The following PTPRN2 variants were observed in gnomAD, a reference collection of about 807,000 sequenced individuals.
PTPRN2 encodes the protein receptor-type tyrosine-protein phosphatase N2.
A neutral mutation model predicts 118.8 loss-of-function variants in PTPRN2; 74 were observed. The observed-to-expected ratio is 0.62, with a 90% CI of 0.52 to 0.76. The LOEUF (loss-of-function observed/expected upper bound fraction) is 0.76, where lower values mean the gene tolerates loss of function less well. PTPRN2 is among the 30% of genes least tolerant of loss of function. PTPRN2 has a pLI of 0.00. For missense variants in PTPRN2, 1,481 were observed against 1,394.4 expected (o/e 1.06, Z -0.99); for synonymous variants, 641 against 608.0 (o/e 1.05, Z -0.80).
At chr7:157,640,689 A>G (rs1804615703) in intron 14 of PTPRN2, among the ~76,000 whole-genome samples, 1 of 152,200 alleles carries the variant, frequency 6.6e-6, no homozygotes, top group African/African-American at 2.4e-5. Flanking sequence ...AAGGAGCTAG[A>G]GCTGGCACAC....
At chr7:158,580,469 A>G (rs1828565095) in intron 1 of PTPRN2, among the ~76,000 whole-genome samples, 1 of 152,212 alleles carries the variant, frequency 6.6e-6, no homozygotes, top group African/African-American at 2.4e-5. Flanking sequence ...ACACTGCATC[A>G]GAAGCCTTTT....
At chr7:158,239,428 C>T (rs1389867212) in intron 3 of PTPRN2, among the ~76,000 whole-genome samples, 1 of 152,150 alleles carries the variant, frequency 6.6e-6, no homozygotes, top group African/African-American at 2.4e-5. Flanking sequence ...GCCAACGCTC[C>T]GTAGCGCGGC....
chr7:158,018,907 CCGAGATCATG>C (rs1806638110), intron 11 of PTPRN2, among the ~76,000 whole-genome samples: 2 of 146,712 alleles, frequency 1.4e-5, no homozygotes, highest in Non-Finnish European at 3.0e-5. Flanking sequence ...TTGCAGTGAG[CCGAGATCATG>C]CGACTGCACT....
At chr7:157,788,563 C>T (rs550346088) in intron 12 of PTPRN2, among the ~76,000 whole-genome samples, 1 of 152,304 alleles carries the variant, frequency 6.6e-6, no homozygotes, top group South Asian at 2.1e-4. Context: ...TCCCCCACGA[C>T]CTCTTAGTCG....
chr7:158,294,811 C>T (rs1325149201), intron 3 of PTPRN2, among the ~76,000 whole-genome samples: 1 of 152,182 alleles, frequency 6.6e-6, no homozygotes, highest in African/African-American at 2.4e-5. Context: ...ACCCGCTGAC[C>T]CTGCCTGTCT....
intron 11 of PTPRN2, among the ~76,000 whole-genome samples, chr7:158,071,058 T>A (rs1811393691): frequency 2.4e-5 from 2 of 82,998 alleles, no homozygotes; most frequent in Admixed American, 2.3e-4. Context: ...CTCATGGTGG[T>A]GGAGGTGCTC....
intron 3 of PTPRN2, among the ~76,000 whole-genome samples, chr7:158,314,533 G>A (rs796984739): frequency 2.1e-4 from 32 of 152,370 alleles, no homozygotes; most frequent in East Asian, 1.4e-3. Flanking sequence ...GCACCCCATC[G>A]CCAAACGACA....
chr7:158,558,877 A>C (rs1036251116), intron 1 of PTPRN2, among the ~76,000 whole-genome samples: 1 of 152,038 alleles, frequency 6.6e-6, no homozygotes, highest in African/African-American at 2.4e-5. Flanking sequence ...CAGAAGACAG[A>C]GACCTCTCAC....
At chr7:158,179,738 C>G (rs1824529423) in intron 5 of PTPRN2, among the ~76,000 whole-genome samples, 1 of 152,190 alleles carries the variant, frequency 6.6e-6, no homozygotes, top group Non-Finnish European at 1.5e-5. Context: ...AAATTGAGGA[C>G]TAGTTAAAAC....
chr7:158,110,848 T>C lies in PTPRN2; in HGVS notation c.1624A>G (p.Ser542Gly), dbSNP rs1460076042. 1 of 1,589,522 alleles carries C rather than the reference T, an allele frequency of 6.3e-7. No individual in the cohort carries two copies. Among genetic ancestry groups the C allele is most frequent in the East Asian group, 2.3e-5 (1 of 43,990 alleles). Residue 542 changes from serine (S) to glycine (G), a missense_variant, in exon 10 of 23, where the codon AGT (serine) becomes GGT (glycine). Physicochemically the swap from Ser to Gly is moderately conservative, Grantham distance 56. Transcript: ENST00000389418. ...ACTTACTCCACGTCAGCGAACGCAC[T>C]GCTGGGCACCTGCAGGAGGCGGGCG... The part of the protein sequence containing the change: ...DVARLLQVPS[S>G]AFADVEVLGP...
rs532838698 is a variant in PTPRN2 at position 157,615,182 on chromosome 7, C to A, written c.2344+6180G>T. On this transcript the variant is annotated intron_variant, in intron 15 of 22. Coordinates refer to ENST00000389418, the MANE Select transcript of PTPRN2 (RefSeq NM_002847.5). This position sits in a 1 kb window ranked among gnomAD's most constrained non-coding sequence, Gnocchi z 4.3. Reference sequence around the variant, plus strand: ...CCAGCGTGGGTGGTGGGTGTGCAGGCGATGCCACGCTACCCCTTCCACTTG... The same window carrying A: ...CCAGCGTGGGTGGTGGGTGTGCAGGAGATGCCACGCTACCCCTTCCACTTG... 6.6e-6 allele frequency among the ~76,000 whole-genome samples: 1 copy of A among 152,206 alleles called. No homozygotes were observed.
rs1055904161 is a variant in PTPRN2 at position 157,598,669 on chromosome 7, C to T, written c.2419-3354G>A. ...TGGTGTTGGTCATCCCGAAACTGTC[C>T]GTGAAAACCTGTAAATTTATTAGGT... is the stretch of plus-strand genomic sequence containing the variant. On this transcript the variant is annotated intron_variant, in intron 16 of 22. Transcript: ENST00000389418. The surrounding 1 kb of genome is among the most constrained non-coding windows in gnomAD (Gnocchi z 5.2). Among the ~76,000 whole-genome samples, 8 of 152,178 alleles carry T rather than the reference C, an allele frequency of 5.3e-5. No individual in the cohort carries two copies. The highest frequency in any genetic ancestry group is 1.7e-4 in the African/African-American group (7 of 41,454).
At chr7:158,034,325 C>T (rs1807932260) in intron 11 of PTPRN2, among the ~76,000 whole-genome samples, 1 of 152,242 alleles carries the variant, frequency 6.6e-6, no homozygotes, top group African/African-American at 2.4e-5. Flanking sequence ...TGTGTCCCCA[C>T]TCAAATCTCT....
chr7:157,994,678 GCCGCGTCCC>G (rs1804560832), intron 11 of PTPRN2, among the ~76,000 whole-genome samples: 1 of 115,328 alleles, frequency 8.7e-6, no homozygotes, highest in African/African-American at 4.2e-5. Flanking sequence ...TAAAATCAAC[GCCGCGTCCC>G]CAGCTTACAG....
chr7:158,502,809 C>T (rs1050396851), intron 1 of PTPRN2, among the ~76,000 whole-genome samples: 11 of 151,774 alleles, frequency 7.2e-5, no homozygotes, highest in Non-Finnish European at 1.6e-4. Flanking sequence ...CTGTGTCCAT[C>T]AACTACTGTG....
chr7:157,566,825 C>A (rs2150505604), intron 21 of PTPRN2, among the ~76,000 whole-genome samples: 1 of 152,334 alleles, frequency 6.6e-6, no homozygotes, highest in East Asian at 1.9e-4. Flanking sequence ...ACCTGAGCCA[C>A]TCAGAACCCA....
chr7:158,064,207 G>T (rs1425632704), intron 11 of PTPRN2, among the ~76,000 whole-genome samples: 4 of 152,206 alleles, frequency 2.6e-5, no homozygotes, highest in African/African-American at 9.7e-5. Flanking sequence ...TAACAAACAG[G>T]CATCCCGAGC....
rs1054247245 is a variant in PTPRN2 at position 157,869,299 on chromosome 7, T to C, written c.1788+29374A>G. 1 of 152,152 alleles carries C rather than the reference T, an allele frequency of 6.6e-6. No homozygotes were observed. Among genetic ancestry groups the C allele is most frequent in the African/African-American group, 2.4e-5 (1 of 41,446 alleles). The allele number at this position is 152,152 out of a possible 1,614,324, so 9.4% of individuals were successfully genotyped here. A position where few individuals can be genotyped will look rare whatever the true frequency, so the allele number is the denominator to read the frequency against. On this transcript the variant is annotated intron_variant, in intron 12 of 22. Coordinates refer to ENST00000389418, the MANE Select transcript of PTPRN2 (RefSeq NM_002847.5). The surrounding 1 kb of genome is among the most constrained non-coding windows in gnomAD (Gnocchi z 4.2). ...ACTCCAGGCCGCTCACTTATCCCCA[T>C]GCATATAAAATTCCTAGGGATAATT...
At chr7:158,056,406 T>C (rs1809798194) in intron 11 of PTPRN2, among the ~76,000 whole-genome samples, 1 of 152,240 alleles carries the variant, frequency 6.6e-6, no homozygotes, top group African/African-American at 2.4e-5. Context: ...GGGTGCTCTC[T>C]CCGTCCTCCC....
Sources: gnomAD v4.1 joint callset for allele counts (sites outside exome capture counted in the v4.1 genomes callset) on GRCh38, gnomAD v4.1.1 for gene constraint, Gnocchi (gnomAD v3.1) non-coding constraint, MANE v1.5 for transcripts, NCBI Gene and HGNC (gene_info 2026-07-23, HGNC 2026-07-21) for gene names.